Variants in SORCS2 observed in about 807,000 individuals in gnomAD.
SORCS2 encodes the protein VPS10 domain-containing receptor SorCS2.
Under a neutral mutation model 141.6 loss-of-function variants are expected in SORCS2, and 100 were observed. The observed-to-expected ratio is 0.71, with a 90% CI of 0.60 to 0.83. SORCS2 has a LOEUF of 0.83. Ranked by LOEUF, SORCS2 falls within the 40% of genes least tolerant of loss-of-function variation. The pLI is 0.00. For synonymous variants in SORCS2, 789 were observed against 676.9 expected (o/e 1.17, Z -2.57); for missense variants, 1,646 against 1,560.2 (o/e 1.05, Z -0.93).
chr4:7,613,127 G>A (rs1577840393), intron 3 of SORCS2, among the ~76,000 whole-genome samples: 2 of 152,274 alleles, frequency 1.3e-5, no homozygotes, highest in Admixed American at 6.5e-5. Flanking sequence ...TCTGAAGGAG[G>A]TGTCAGCCTT....
At chr4:7,454,461 G>A (rs1303560643) in intron 2 of SORCS2, among the ~76,000 whole-genome samples, 3 of 129,634 alleles carry the variant, frequency 2.3e-5, no homozygotes, top group Non-Finnish European at 3.2e-5. Context: ...AGTGTAATGC[G>A]CCACGTTAGG....
intron 18 of SORCS2, among the ~76,000 whole-genome samples, chr4:7,719,753 C>T (rs1180723384): frequency 1.3e-5 from 2 of 152,210 alleles, no homozygotes; most frequent in African/African-American, 4.8e-5. Flanking sequence ...CCCTCTGCTG[C>T]CCCCTAGAGC....
chr4:7,288,732 C>T (rs1203193694), intron 1 of SORCS2, among the ~76,000 whole-genome samples: 1 of 140,050 alleles, frequency 7.1e-6, no homozygotes, highest in Non-Finnish European at 1.5e-5. Flanking sequence ...CTTACAGTCC[C>T]TGTCTCCAGA....
chr4:7,718,753 C>T (rs562963723), intron 18 of SORCS2, among the ~76,000 whole-genome samples: 17 of 152,200 alleles, frequency 1.1e-4, no homozygotes, highest in South Asian at 2.1e-4. Flanking sequence ...TTTCTTCTGA[C>T]GTTAAAAATA....
Position 7,537,725 on chromosome 4 carries a change from C to T in SORCS2, c.648+6096C>T, listed in dbSNP as rs181529669. Among the ~76,000 whole-genome samples the T allele has an allele frequency of 4.2e-3, 645 of 152,224 alleles. 8 individuals are homozygous for T. Among genetic ancestry groups the T allele is most frequent in the Non-Finnish European group, 7.1e-3 (486 of 68,006 alleles). ...GTTTATAGAAAGAATGAGAAAAGGG[C>T]GGCCGGATGCAGTGTCTCACACCTG... On this transcript the variant is annotated intron_variant, in intron 3 of 26. Transcript: ENST00000507866.
intron 10 of SORCS2, among the ~76,000 whole-genome samples, chr4:7,686,442 C>T (rs575265926): frequency 2.8e-4 from 42 of 152,276 alleles, no homozygotes; most frequent in African/African-American, 1.0e-3. Flanking sequence ...ATGTGCCAAA[C>T]GGACAGAGAA....
chr4:7,406,524 A>G (rs1724980935), intron 2 of SORCS2, among the ~76,000 whole-genome samples: 1 of 151,780 alleles, frequency 6.6e-6, no homozygotes, highest in African/African-American at 2.4e-5. Flanking sequence ...TTGTTGGCAT[A>G]TAGTTGTTTA....
chr4:7,393,859 C>T (rs13113743), intron 1 of SORCS2, among the ~76,000 whole-genome samples: 23,972 of 152,098 alleles, frequency 0.16, 2,040 homozygotes, highest in Non-Finnish European at 0.19. Context: ...GTGTTGAGGT[C>T]GACGGTCTGC....
chr4:7,705,201 G>A (rs1027975854), intron 14 of SORCS2, among the ~76,000 whole-genome samples: 10 of 152,144 alleles, frequency 6.6e-5, no homozygotes, highest in African/African-American at 2.2e-4. Flanking sequence ...GGCATGGAGT[G>A]GAGCTGTGCA....
chr4:7,738,682 T>C (rs977955352), intron 26 of SORCS2, among the ~76,000 whole-genome samples: 1 of 152,134 alleles, frequency 6.6e-6, no homozygotes, highest in Non-Finnish European at 1.5e-5. Context: ...ACACTCTGCA[T>C]CCGGGACATC....
At chr4:7,334,352 TCCCTGTCC>T (rs978237085) in intron 1 of SORCS2, among the ~76,000 whole-genome samples, 26 of 151,894 alleles carry the variant, frequency 1.7e-4, no homozygotes, top group African/African-American at 5.8e-4. Flanking sequence ...CCTACACTCC[TCCCTGTCC>T]CCCTGGTCAG....
At chr4:7,740,171 A>T (rs1421271931) in intron 26 of SORCS2, 29 bp from the exon 27 acceptor site, 4 of 1,592,564 alleles carry the variant, frequency 2.5e-6, no homozygotes, top group Non-Finnish European at 3.4e-6. Context: ...GCTTGTGCTC[A>T]CGGGACCTGC....
intron 13 of SORCS2, 44 bp downstream of exon 13, chr4:7,703,415 G>C: frequency 6.5e-6 from 10 of 1,533,988 alleles, no homozygotes; most frequent in Non-Finnish European, 8.9e-6. Flanking sequence ...GCAGGCTGGG[G>C]CTCTTTCTTT....
chr4:7,723,386 G>A (rs1255404306), intron 18 of SORCS2, among the ~76,000 whole-genome samples: 2 of 152,054 alleles, frequency 1.3e-5, no homozygotes, highest in African/African-American at 4.8e-5. Flanking sequence ...GGCCCTGACT[G>A]CCCCCCAGCT....
intron 3 of SORCS2, among the ~76,000 whole-genome samples, chr4:7,634,332 C>T (rs899244366): frequency 2.0e-5 from 3 of 151,272 alleles, no homozygotes; most frequent in Non-Finnish European, 4.4e-5. Context: ...GAGATCGTGC[C>T]GCTGCACTCC....
At chr4:7,372,794 G>C (rs10004693) in intron 1 of SORCS2, among the ~76,000 whole-genome samples, 1 of 151,968 alleles carries the variant, frequency 6.6e-6, no homozygotes, top group African/African-American at 2.4e-5. Context: ...CCTGTCCGGA[G>C]TGCCGTATAC....
At chr4:7,364,140 A>T (rs570271677) in intron 1 of SORCS2, among the ~76,000 whole-genome samples, 104 of 152,196 alleles carry the variant, frequency 6.8e-4, no homozygotes, top group Non-Finnish European at 1.1e-3. Context: ...CCACATCATC[A>T]TCATCATTAT....
intron 14 of SORCS2, among the ~76,000 whole-genome samples, chr4:7,710,226 G>A (rs1005554620): frequency 1.1e-4 from 16 of 152,298 alleles, no homozygotes; most frequent in Admixed American, 5.2e-4. Context: ...AAGCCTCACA[G>A]CTCCAGAGCC....
chr4:7,738,385 C>T, intron 26 of SORCS2, among the ~76,000 whole-genome samples: 1 of 152,210 alleles, frequency 6.6e-6, no homozygotes, highest in East Asian at 1.9e-4. Flanking sequence ...CATGGAAGTG[C>T]AAAGACATGG....
Sources: allele counts gnomAD v4.1 joint callset (sites outside exome capture counted in the v4.1 genomes callset), GRCh38; gene constraint gnomAD v4.1.1; transcripts MANE v1.5; gene names NCBI Gene and HGNC (gene_info 2026-07-23, HGNC 2026-07-21).